KCNQ5: variants seen among roughly 807,000 people sequenced by gnomAD.
KCNQ5 encodes the protein potassium voltage-gated channel subfamily KQT member 5.
Under a neutral mutation model 98.2 loss-of-function variants are expected in KCNQ5, and 30 were observed. The observed-to-expected ratio is 0.31, with a 90% CI of 0.23 to 0.41. The LOEUF is 0.41. Ranked by LOEUF, KCNQ5 falls within the 10% of genes least tolerant of loss-of-function variation. The probability of loss-of-function intolerance (pLI) is 1.00; values close to 1 mark genes in which losing one functional copy is unlikely to be tolerated. For synonymous variants in KCNQ5, 458 were observed against 449.4 expected (o/e 1.02, Z -0.24); for missense variants, 835 against 1,182.5 (o/e 0.71, Z 4.31).
chr6:73,053,881 A>T (rs1469441837), intron 3 of KCNQ5, among the ~76,000 whole-genome samples: 2 of 152,172 alleles, frequency 1.3e-5, no homozygotes, highest in African/African-American at 4.8e-5. Context: ...GACGCAAAAA[A>T]ACATACAGAA....
intron 5 of KCNQ5, among the ~76,000 whole-genome samples, chr6:73,080,189 C>A (rs949160381): frequency 6.6e-6 from 1 of 152,106 alleles, no homozygotes; most frequent in Non-Finnish European, 1.5e-5. Flanking sequence ...TTTCAAAGGT[C>A]ATATCTGTGA....
intron 2 of KCNQ5, among the ~76,000 whole-genome samples, chr6:73,009,828 G>A (rs1769982574): frequency 1.3e-5 from 2 of 152,032 alleles, no homozygotes; most frequent in South Asian, 4.1e-4. Flanking sequence ...AAATCACAAA[G>A]AAATAGAAAC....
At chr6:72,792,276 C>T (rs994509685) in intron 1 of KCNQ5, among the ~76,000 whole-genome samples, 6 of 152,170 alleles carry the variant, frequency 3.9e-5, no homozygotes, top group African/African-American at 1.4e-4. Flanking sequence ...CATCACCATT[C>T]ATGAACCTTC....
At chr6:72,767,765 C>A (rs1772652436) in intron 1 of KCNQ5, among the ~76,000 whole-genome samples, 1 of 151,808 alleles carries the variant, frequency 6.6e-6, no homozygotes, top group African/African-American at 2.4e-5. Flanking sequence ...CAGTGAAATG[C>A]AAAACAAAAG....
chr6:72,789,430 A>G (rs1261300599), intron 1 of KCNQ5, among the ~76,000 whole-genome samples: 1 of 152,218 alleles, frequency 6.6e-6, no homozygotes, highest in Non-Finnish European at 1.5e-5. Context: ...GTTTTACCTC[A>G]GACCAGTGTT....
At chr6:72,972,068 A>G (rs868453211) in intron 1 of KCNQ5, among the ~76,000 whole-genome samples, 1 of 152,282 alleles carries the variant, frequency 6.6e-6, no homozygotes, top group South Asian at 2.1e-4. Context: ...ATGTCTTGTT[A>G]TGGCTTCTTG....
At chr6:72,664,393 C>T (rs1391223293) in intron 1 of KCNQ5, among the ~76,000 whole-genome samples, 2 of 152,058 alleles carry the variant, frequency 1.3e-5, no homozygotes, top group African/African-American at 4.8e-5. Flanking sequence ...GTGGCTCATC[C>T]CTGTAATCCC....
chr6:72,869,776 A>G (rs975475306), intron 1 of KCNQ5, among the ~76,000 whole-genome samples: 5 of 152,198 alleles, frequency 3.3e-5, no homozygotes, highest in South Asian at 2.1e-4. Flanking sequence ...TTCCTTCAGG[A>G]TATTCCCCAC....
Position 72,922,325 on chromosome 6 carries a change from G to C in KCNQ5, c.399-81583G>C, listed in dbSNP as rs1366984426. Among the ~76,000 whole-genome samples the C allele has an allele frequency of 3.3e-5, 5 of 152,042 alleles. No homozygotes were observed. In the East Asian group the frequency reaches 9.6e-4, roughly 29 times the overall value. On this transcript the variant is annotated intron_variant, in intron 1 of 13. Transcript: ENST00000370398. ...AGAAATAATATTGTATATACTTACA[G>C]TTTACAACATGATTTTTAATATATG...
chr6:72,683,146 T>A (rs533259321), intron 1 of KCNQ5, among the ~76,000 whole-genome samples: 17 of 152,150 alleles, frequency 1.1e-4, no homozygotes, highest in Non-Finnish European at 2.2e-4. Context: ...TAACTCAAGT[T>A]CACACAAATG....
intron 11 of KCNQ5, among the ~76,000 whole-genome samples, chr6:73,182,066 T>C (rs1022778927): frequency 1.3e-5 from 2 of 152,224 alleles, no homozygotes; most frequent in African/African-American, 4.8e-5. Flanking sequence ...GGTCTTCTGC[T>C]TCTTCCCCAG....
At chr6:73,098,527 C>A (rs4706528) in intron 5 of KCNQ5, among the ~76,000 whole-genome samples, 111,852 of 152,170 alleles carry the variant, frequency 0.74, 45,968 homozygotes, top group South Asian at 0.94. Context: ...AAATAACGTG[C>A]AATGGAGCTC....
intron 6 of KCNQ5, among the ~76,000 whole-genome samples, chr6:73,109,566 A>G (rs1775142975): frequency 6.6e-6 from 1 of 152,244 alleles, no homozygotes; most frequent in South Asian, 2.1e-4. Flanking sequence ...TACACAGCAG[A>G]AAAAAATTAG....
intron 1 of KCNQ5, chr6:72,987,742 G>C (rs372972693): frequency 5.8e-6 from 3 of 514,472 alleles, no homozygotes; most frequent in Non-Finnish European, 1.1e-5. Flanking sequence ...AGCCAAGCTG[G>C]AAGATTAAAC....
intron 1 of KCNQ5, among the ~76,000 whole-genome samples, chr6:72,937,581 G>A (rs145450761): frequency 6.6e-6 from 1 of 152,056 alleles, no homozygotes; most frequent in African/African-American, 2.4e-5. Flanking sequence ...ATATCAGTTT[G>A]GCTATGTAAA....
At chr6:72,844,528 A>G (rs1776938997) in intron 1 of KCNQ5, among the ~76,000 whole-genome samples, 1 of 152,182 alleles carries the variant, frequency 6.6e-6, no homozygotes, top group Non-Finnish European at 1.5e-5. Context: ...TATAATTCAA[A>G]CTGTACATAT....
At chr6:72,734,982 A>G (rs1009987176) in intron 1 of KCNQ5, among the ~76,000 whole-genome samples, 4 of 152,174 alleles carry the variant, frequency 2.6e-5, no homozygotes, top group Non-Finnish European at 4.4e-5. Context: ...GCACAGTTAC[A>G]AATTCTGTAA....
chr6:73,188,781 G>A (rs752063786), intron 11 of KCNQ5, among the ~76,000 whole-genome samples: 33 of 152,084 alleles, frequency 2.2e-4, no homozygotes, highest in Non-Finnish European at 2.9e-4. Context: ...TCAGAAGTTC[G>A]AGACCAGCCT....
intron 1 of KCNQ5, among the ~76,000 whole-genome samples, chr6:72,661,083 A>G (rs1766500762): frequency 6.6e-6 from 1 of 152,054 alleles, no homozygotes; most frequent in Non-Finnish European, 1.5e-5. Context: ...CCAATATTTC[A>G]GATATTCATG....
Sources: gnomAD v4.1 joint callset for allele counts (sites outside exome capture counted in the v4.1 genomes callset) on GRCh38, gnomAD v4.1.1 for gene constraint, MANE v1.5 for transcripts, NCBI Gene and HGNC (gene_info 2026-07-23, HGNC 2026-07-21) for gene names.